TMEM192: variants seen among roughly 807,000 people sequenced by gnomAD.
TMEM192 encodes the protein transmembrane protein 192.
TMEM192 carries 20 observed loss-of-function variants against 26.7 expected under a neutral mutation model. The observed-to-expected ratio is 0.75, with a 90% CI of 0.53 to 1.09. TMEM192 has a LOEUF of 1.09. Ranked by LOEUF, TMEM192 falls within the 50% of genes least tolerant of loss-of-function variation. TMEM192 has a pLI of 0.00. For missense variants in TMEM192, 304 were observed against 322.6 expected, an observed-to-expected ratio of 0.94 and a Z score of 0.44; for synonymous variants, 124 against 121.0, an observed-to-expected ratio of 1.02 and a Z score of -0.16.
intron 4 of TMEM192, among the ~76,000 whole-genome samples, chr4:165,087,456 A>G (rs1734646373): frequency 6.6e-6 from 1 of 152,200 alleles, no homozygotes; most frequent in East Asian, 1.9e-4. Flanking sequence ...GGTAGAAGGA[A>G]GAAGGTAGAT....
chr4:165,100,876 A>T lies in TMEM192; in HGVS notation c.191T>A (p.Leu64Ter). ...ACAAAGCACACCTGTTAAAAATGCT[A>T]AAACAACAAACACGAGCTGGGGGAA... ...LWFIHLVFVV[L>*]AFLTGVLCSY... The change falls in exon 3 of 6, where the codon TTA becomes TAA. Residue 64 changes from leucine (L) to a stop codon, truncating the protein, a stop_gained. Coordinates refer to ENST00000306480, the MANE Select transcript of TMEM192 (RefSeq NM_001100389.2). LOFTEE classifies it high-confidence loss of function. The T allele has an allele frequency of 6.2e-7, 1 of 1,611,966 alleles. No homozygotes were observed. The highest frequency in any genetic ancestry group is 8.5e-7 in the Non-Finnish European group (1 of 1,179,314).
chr4:165,109,053 G>C (rs1735236348), intron 1 of TMEM192, among the ~76,000 whole-genome samples: 1 of 152,158 alleles, frequency 6.6e-6, no homozygotes, highest in Admixed American at 6.5e-5. Flanking sequence ...GTTATATCTA[G>C]CTTTTTGGTT....
At chr4:165,112,723 C>T in intron 1 of TMEM192, 24 bp downstream of exon 1, 7 of 1,608,706 alleles carry the variant, frequency 4.4e-6, no homozygotes, top group Non-Finnish European at 5.1e-6. Flanking sequence ...CGGGGCCAAC[C>T]GCCCGCCGCC....
intron 4 of TMEM192, among the ~76,000 whole-genome samples, chr4:165,087,663 G>A (rs1734652372): frequency 6.6e-6 from 1 of 151,566 alleles, no homozygotes; most frequent in South Asian, 2.1e-4. Context: ...TTTGGGGCTG[G>A]GTGCGGTGGG....
chr4:165,084,055 C>T (rs927157981), intron 5 of TMEM192, among the ~76,000 whole-genome samples: 1 of 151,790 alleles, frequency 6.6e-6, no homozygotes, highest in African/African-American at 2.4e-5. Context: ...CTCCTGACCT[C>T]GTGATCTGCC....
chr4:165,109,554 C>A (rs963328805), intron 1 of TMEM192, among the ~76,000 whole-genome samples: 2 of 152,042 alleles, frequency 1.3e-5, no homozygotes, highest in Non-Finnish European at 2.9e-5. Flanking sequence ...TAGTAGATAC[C>A]GGGTTTCGCC....
chr4:165,112,370 G>A (rs1411976222), intron 1 of TMEM192, among the ~76,000 whole-genome samples: 8 of 152,152 alleles, frequency 5.3e-5, no homozygotes, highest in Non-Finnish European at 1.0e-4. Context: ...CCCGGCTCCC[G>A]GAGACTCGCG....
intron 3 of TMEM192, among the ~76,000 whole-genome samples, chr4:165,095,343 G>A (rs1407570126): frequency 2.6e-5 from 4 of 152,072 alleles, no homozygotes; most frequent in Non-Finnish European, 5.9e-5. Context: ...AAACTCACAG[G>A]GGACTTGAAG....
At position 165,072,587 on chromosome 4, in the gene TMEM192, A is replaced by G. The variant is rs1734296131; in HGVS notation, c.*7071T>C. 6.6e-6 allele frequency: 1 copy of G among 151,930 alleles called. No homozygotes were observed. The highest frequency in any genetic ancestry group is 6.6e-5 in the Admixed American group (1 of 15,212). The allele number at this position is 151,930 out of a possible 1,614,324, so 9.4% of individuals were successfully genotyped here. ...AAAAAAAAACAAAACCAAAAAACCG[A>G]AAGACTATTATAATAGTCCAGGTGA... On this transcript the variant is annotated 3_prime_UTR_variant, in exon 6 of 6. Transcript: ENST00000306480.
chr4:165,103,222 C>T (rs1735084852), intron 1 of TMEM192, 126 bp from the exon 2 acceptor site: 2 of 645,412 alleles, frequency 3.1e-6, no homozygotes, highest in Admixed American at 8.4e-5. Flanking sequence ...ACATTGCCTA[C>T]CTGAATCCAA....
At chr4:165,102,826 G>A (rs568637783) in intron 2 of TMEM192, 124 bp downstream of exon 2, 254 of 560,532 alleles carry the variant, frequency 4.5e-4, no homozygotes, top group Non-Finnish European at 4.8e-4. Context: ...CACTCAGGAT[G>A]TCCTAAGAAC....
intron 1 of TMEM192, among the ~76,000 whole-genome samples, chr4:165,106,598 GCT>G (rs763742343): frequency 1.3e-5 from 2 of 152,300 alleles, no homozygotes; most frequent in African/African-American, 2.4e-5. Context: ...GAGTTTTCTG[GCT>G]CTCTCTTTCC....
At position 165,077,538 on chromosome 4, in the gene TMEM192, A is replaced by C. The variant is rs1734410813; in HGVS notation, c.*2120T>G. On this transcript the variant is annotated 3_prime_UTR_variant, in exon 6 of 6. Coordinates refer to ENST00000306480, the MANE Select transcript of TMEM192 (RefSeq NM_001100389.2). ...AAGGAGGGCGGATCAAAAGGTCAGG[A>C]GTTTGAGACCAGCCTGGCCAGCATG... 6.6e-6 allele frequency: 1 copy of C among 152,220 alleles called. No homozygotes were observed. The highest frequency in any genetic ancestry group is 2.4e-5 in the African/African-American group (1 of 41,438). The allele number at this position is 152,220 out of a possible 1,614,324, so 9.4% of individuals were successfully genotyped here.
At chr4:165,106,880 CT>C (rs1302112758) in intron 1 of TMEM192, among the ~76,000 whole-genome samples, 2 of 152,150 alleles carry the variant, frequency 1.3e-5, no homozygotes, top group African/African-American at 4.8e-5. Flanking sequence ...AATAAACCCC[CT>C]TTTTATATAT....
intron 3 of TMEM192, among the ~76,000 whole-genome samples, chr4:165,096,186 T>C (rs1462137403): frequency 6.6e-6 from 1 of 151,710 alleles, no homozygotes; most frequent in East Asian, 2.0e-4. Flanking sequence ...GGGGAGCGGA[T>C]CACCTGAGGT....
At chr4:165,087,946 G>A (rs1734661045) in intron 4 of TMEM192, among the ~76,000 whole-genome samples, 2 of 152,308 alleles carry the variant, frequency 1.3e-5, no homozygotes, top group South Asian at 2.1e-4. Context: ...GTCTTACTCT[G>A]TCACCCAGGC....
At chr4:165,102,440 T>C (rs1735057389) in intron 2 of TMEM192, among the ~76,000 whole-genome samples, 2 of 152,136 alleles carry the variant, frequency 1.3e-5, no homozygotes, top group African/African-American at 2.4e-5. Flanking sequence ...TTCTATTATA[T>C]ACAGGAAAAC....
intron 3 of TMEM192, among the ~76,000 whole-genome samples, chr4:165,097,468 T>A (rs1400623000): frequency 8.2e-6 from 1 of 121,976 alleles, no homozygotes; most frequent in African/African-American, 3.4e-5. Flanking sequence ...CACTCCAGCC[T>A]GGGTGACAGA....
intron 1 of TMEM192, among the ~76,000 whole-genome samples, chr4:165,109,328 T>G (rs1404438373): frequency 1.3e-5 from 2 of 152,214 alleles, no homozygotes; most frequent in Non-Finnish European, 2.9e-5. Context: ...CAACTTCTTG[T>G]ATGCTTCAGA....
Sources: gnomAD v4.1 joint callset for allele counts (sites outside exome capture counted in the v4.1 genomes callset) on GRCh38, gnomAD v4.1.1 for gene constraint, MANE v1.5 for transcripts, NCBI Gene and HGNC (gene_info 2026-07-23, HGNC 2026-07-21) for gene names.